The following MATK variants were observed in gnomAD, a reference collection of about 807,000 sequenced individuals.
MATK encodes megakaryocyte-associated tyrosine kinase.
MATK carries 41 observed loss-of-function variants against 59.8 expected under a neutral mutation model. The ratio of observed to expected loss-of-function variants is 0.69; its 90% CI spans 0.53 to 0.89. The LOEUF is 0.89. MATK is among the 40% of genes least tolerant of loss of function. MATK has a pLI of 0.00. For synonymous variants in MATK, 308 were observed against 306.1 expected, an observed-to-expected ratio of 1.01 and a Z score of -0.06; for missense variants, 593 against 719.6, an observed-to-expected ratio of 0.82 and a Z score of 2.01.
At chr19:3,792,510 C>CTTTTTTTT (rs140778999) in intron 1 of MATK, among the ~76,000 whole-genome samples, 1 of 99,750 alleles carries the variant, frequency 1.0e-5, no homozygotes, top group Non-Finnish European at 1.8e-5. Flanking sequence ...ATTTCCAACT[C>CTTTTTTTT]TTTTTTTTTT....
chr19:3,792,510 CTTTTTTTTTTT>C (rs140778999), intron 1 of MATK, among the ~76,000 whole-genome samples: 1 of 99,746 alleles, frequency 1.0e-5, no homozygotes, highest in South Asian at 3.4e-4. Context: ...ATTTCCAACT[CTTTTTTTTTTT>C]TTTTTTTTTT....
intron 1 of MATK, 36 bp from the exon 2 acceptor site, chr19:3,785,322 G>A (rs1003226531): frequency 6.8e-6 from 9 of 1,325,292 alleles, no homozygotes; most frequent in Non-Finnish European, 7.1e-6. Context: ...GGGAAATAGG[G>A]ATGAGTCAAG....
Position 3,778,544 on chromosome 19 carries a change from C to A in MATK, c.1249G>T (p.Val417Phe). Residue 417 changes from valine (V) to phenylalanine (F), a missense_variant, in exon 13 of 14, where the codon GTC (valine) becomes TTC (phenylalanine). Coordinates refer to ENST00000310132, the MANE Select transcript of MATK (RefSeq NM_139355.3). ...VWSFGVLLWE[V>F]FSYGRAPYPK... The stretch of plus-strand genomic sequence containing the variant: ...TACGGAGCCCGTCCATATGAGAAGA[C>A]CTCCCAGAGCAGCACCCCAAAACTC... 1.2e-6 allele frequency: 2 copies of A among 1,613,904 alleles called. No individual in the cohort carries two copies. Among genetic ancestry groups the A allele is most frequent in the Non-Finnish European group, 1.7e-6 (2 of 1,179,950 alleles).
intron 6 of MATK, 24 bp downstream of exon 6, chr19:3,783,790 G>A: frequency 6.2e-7 from 1 of 1,600,960 alleles, no homozygotes; most frequent in Non-Finnish European, 8.5e-7. Context: ...GCAGGGACGG[G>A]GTGGGGCCTC....
rs1015626494 is a variant in MATK at position 3,778,023 on chromosome 19, G to A, written c.*160C>T. 3.5e-5 allele frequency: 35 copies of A among 998,486 alleles called. No individual in the cohort carries two copies. Among genetic ancestry groups the A allele is most frequent in the Non-Finnish European group, 4.5e-5 (32 of 710,712 alleles). The allele number at this position is 998,486 out of a possible 1,614,324, so 61.9% of individuals were successfully genotyped here. On this transcript the variant is annotated 3_prime_UTR_variant, in exon 14 of 14. Coordinates refer to ENST00000310132, the MANE Select transcript of MATK (RefSeq NM_139355.3). ...CGATCATCCTTCGCAGGTCTGGGGT[G>A]TCCACGGGCCGCCCAGAGCCCCCTA...
At chr19:3,797,633 T>C (rs563626306) in intron 1 of MATK, among the ~76,000 whole-genome samples, 14 of 152,212 alleles carry the variant, frequency 9.2e-5, no homozygotes, top group African/African-American at 3.1e-4. Context: ...TCTTTTACCG[T>C]TCCTCTTTAA....
chr19:3,792,496 ATGAATTTCCAACTCTTTTT>A (rs1365491092), intron 1 of MATK, among the ~76,000 whole-genome samples: 5 of 144,098 alleles, frequency 3.5e-5, no homozygotes, highest in African/African-American at 1.0e-4. Context: ...TTTTCAGCAC[ATGAATTTCCAACTCTTTTT>A]TTTTTTTTTT....
intron 2 of MATK, 46 bp from the exon 3 acceptor site, chr19:3,784,930 G>C (rs778945296): frequency 2.2e-5 from 31 of 1,429,862 alleles, no homozygotes; most frequent in Middle Eastern, 1.8e-4. Context: ...TGGGACCCAC[G>C]GTCCAGTTCC....
chr19:3,789,471 C>T (rs147505232), upstream of MATK: 361 of 572,004 alleles, frequency 6.3e-4, 1 homozygote, highest in East Asian at 5.8e-3. Context: ...GGAGGCCTCA[C>T]CCCAGAAGAA....
intron 10 of MATK, 32 bp downstream of exon 10, chr19:3,779,501 T>TG (rs1037437101): frequency 1.2e-6 from 2 of 1,610,012 alleles, no homozygotes; most frequent in African/African-American, 2.7e-5. Context: ...CTCCGCTGCG[T>TG]GGGCCCCCTC....
intron 1 of MATK, among the ~76,000 whole-genome samples, chr19:3,799,913 C>T (rs1440670194): frequency 6.6e-6 from 1 of 150,848 alleles, no homozygotes; most frequent in Non-Finnish European, 1.5e-5. Context: ...GAGGCTGAGG[C>T]GGGAGGATCA....
At chr19:3,789,815 C>T (rs1428034612), upstream of MATK, among the ~76,000 whole-genome samples, 1 of 151,128 alleles carries the variant, frequency 6.6e-6, no homozygotes, top group Non-Finnish European at 1.5e-5. Context: ...ACCTCCATCT[C>T]CCAGGTTCAA....
At chr19:3,791,346 C>A (rs991009045), upstream of MATK, among the ~76,000 whole-genome samples, 8 of 151,260 alleles carry the variant, frequency 5.3e-5, no homozygotes, top group Non-Finnish European at 1.0e-4. Flanking sequence ...CTCCACCTCC[C>A]CCCACTTTTT....
intron 8 of MATK, among the ~76,000 whole-genome samples, 156 bp from the exon 9 acceptor site, chr19:3,779,953 C>CCCT (rs1321724113): frequency 6.6e-6 from 1 of 152,190 alleles, no homozygotes; most frequent in African/African-American, 2.4e-5. Context: ...GCTCCTCACC[C>CCCT]CTGCCGCCCT....
At chr19:3,782,443 T>C (rs1469603976) in intron 7 of MATK, among the ~76,000 whole-genome samples, 5 of 152,244 alleles carry the variant, frequency 3.3e-5, no homozygotes, top group Admixed American at 6.5e-5. Context: ...AGGAGGCATT[T>C]GCTTTTGACC....
At chr19:3,782,545 C>T (rs998851727) in intron 7 of MATK, among the ~76,000 whole-genome samples, 6 of 152,258 alleles carry the variant, frequency 3.9e-5, no homozygotes, top group African/African-American at 9.6e-5. Context: ...ATGAAGAAAA[C>T]GATGATCACA....
upstream of MATK, among the ~76,000 whole-genome samples, chr19:3,788,929 G>A (rs1212640644): frequency 6.6e-6 from 1 of 152,170 alleles, no homozygotes; most frequent in Non-Finnish European, 1.5e-5. Context: ...GACCTCAGGT[G>A]ATCTACCAAT....
At chr19:3,778,715 C>G (rs927754387) in intron 12 of MATK, 120 bp from the exon 13 acceptor site, 3 of 1,148,348 alleles carry the variant, frequency 2.6e-6, no homozygotes, top group Non-Finnish European at 3.8e-6. Context: ...TAATTGAGTC[C>G]TCCCCCAACG....
At position 3,784,937 on chromosome 19, in the gene MATK, T is replaced by A; in HGVS notation, c.73-53A>T. 5.7e-6 allele frequency: 8 copies of A among 1,406,302 alleles called. No individual in the cohort carries two copies. In the South Asian group the frequency reaches 9.6e-5, roughly 17 times the overall value. 87.1% of individuals were successfully genotyped at this position (1,406,302 alleles called of 1,614,324 possible). A position where few individuals can be genotyped will look rare whatever the true frequency, so the allele number is the denominator to read the frequency against. On this transcript the variant is annotated intron_variant, in intron 2 of 13. Coordinates refer to ENST00000310132, the MANE Select transcript of MATK (RefSeq NM_139355.3). ...AGCTGGGCTGGGACCCACGGTCCAG[T>A]TCCTACCACTTCCAGCCCAGGTCAG...
Sources: gnomAD v4.1 joint callset for allele counts (sites outside exome capture counted in the v4.1 genomes callset) on GRCh38, gnomAD v4.1.1 for gene constraint, MANE v1.5 for transcripts, NCBI Gene and HGNC (gene_info 2026-07-23, HGNC 2026-07-21) for gene names.